The following NOS1 variants were observed in gnomAD, a reference collection of about 807,000 sequenced individuals.
The protein encoded by NOS1 is NOS type I.
A neutral mutation model predicts 164.5 loss-of-function variants in NOS1; 51 were observed. The observed-to-expected ratio is 0.31, with a 90% CI of 0.25 to 0.39. NOS1 has a LOEUF of 0.39. NOS1 is among the 10% of genes least tolerant of loss of function. The pLI, the probability that NOS1 is intolerant of heterozygous loss-of-function variation, is 1.00. For missense variants in NOS1, 1,362 were observed against 1,885.6 expected (o/e 0.72, Z 5.14); for synonymous variants, 719 against 745.8 (o/e 0.96, Z 0.59).
intron 13 of NOS1, 70 bp downstream of exon 13, chr12:117,263,819 C>T: frequency 1.7e-6 from 2 of 1,211,450 alleles, no homozygotes; most frequent in East Asian, 4.7e-5. Context: ...GGAGTCTGCC[C>T]AGCCTCCTTC....
Position 117,280,755 on chromosome 12 carries a change from C to T in NOS1, c.1494G>A (p.Leu498=). The stretch of plus-strand genomic sequence containing the variant: ...TGAACTGCACATTGGCTGGGTCCCC[C>T]AGGGTGGAGCCGTCAGGCTGCTTGT... ...AGYKQPDGST[L]GDPANVQFTE... Residue 498 remains leucine, a synonymous_variant, in exon 8 of 29, where the codon CTG becomes CTA. Transcript: ENST00000317775. The T allele has an allele frequency of 1.9e-6, 3 of 1,614,160 alleles. No individual in the cohort carries two copies. Among genetic ancestry groups the T allele is most frequent in the Non-Finnish European group, 2.5e-6 (3 of 1,180,022 alleles).
In NOS1 at chr12:117,215,234, G is replaced by T; in HGVS notation, c.*75C>A. 7.0e-7 allele frequency: 1 copy of T among 1,424,980 alleles called. No individual in the cohort carries two copies. Among genetic ancestry groups the T allele is most frequent in the South Asian group, 1.7e-5 (1 of 57,168 alleles). The allele number at this position is 1,424,980 out of a possible 1,614,324, so 88.3% of individuals were successfully genotyped here. Reference sequence around the variant, plus strand: ...CAGGAGGCAGAGCGAGGGCCACAGGGGGTCCCAGAGGAAAGGTTCAGCAGT... The same window carrying T: ...CAGGAGGCAGAGCGAGGGCCACAGGTGGTCCCAGAGGAAAGGTTCAGCAGT... On this transcript the variant is annotated 3_prime_UTR_variant, in exon 29 of 29. Transcript: ENST00000317775.
At chr12:117,322,041 TCTC>T (rs1370089495) in intron 2 of NOS1, among the ~76,000 whole-genome samples, 5 of 101,062 alleles carry the variant, frequency 4.9e-5, no homozygotes, top group African/African-American at 1.2e-4. Context: ...TTCCTCCTTC[TCTC>T]CTTCCTTCCC....
chr12:117,332,267 C>T (rs1223721600), intron 1 of NOS1, among the ~76,000 whole-genome samples: 3 of 152,178 alleles, frequency 2.0e-5, no homozygotes, highest in Non-Finnish European at 2.9e-5. Context: ...GCTCTTAACA[C>T]ATATTTGTTA....
At chr12:117,215,438 C>CT (rs149003143) in intron 28 of NOS1, 114 bp from the exon 29 acceptor site, 130,275 of 983,914 alleles carry the variant, frequency 0.13, 111 homozygotes, top group East Asian at 0.21. Flanking sequence ...TTGTCTCTTT[C>CT]TTTTTTTTTT....
chr12:117,349,575 A>C (rs768566033), intron 1 of NOS1, among the ~76,000 whole-genome samples: 5 of 152,262 alleles, frequency 3.3e-5, no homozygotes, highest in African/African-American at 4.8e-5. Context: ...ATTTTATATT[A>C]CATGAATTTT....
chr12:117,239,279 C>T (rs192900849), intron 20 of NOS1, among the ~76,000 whole-genome samples: 20 of 152,338 alleles, frequency 1.3e-4, no homozygotes, highest in African/African-American at 2.2e-4. Flanking sequence ...TTGACTTCTG[C>T]TGTTCTTTCT....
At chr12:117,269,887 G>T (rs547927846) in intron 10 of NOS1, among the ~76,000 whole-genome samples, 1 of 152,278 alleles carries the variant, frequency 6.6e-6, no homozygotes, top group Non-Finnish European at 1.5e-5. Context: ...TAGGCCATGG[G>T]TGCTCTGAGC....
At chr12:117,215,434 CTTTCT>C in intron 28 of NOS1, 110 bp from the exon 29 acceptor site, 10 of 1,180,404 alleles carry the variant, frequency 8.5e-6, no homozygotes, top group Non-Finnish European at 9.9e-6. Context: ...GGCTTTGTCT[CTTTCT>C]TTTTTTTTTT....
chr12:117,209,004 T>C lies in NOS1; in HGVS notation c.*6305A>G. ...TCCCAAAGTCCTGTGATTACAGGCA[T>C]GAGCCACCACGCCTGGCCTGGGAGG... is the stretch of plus-strand genomic sequence containing the variant. On this transcript the variant is annotated 3_prime_UTR_variant, in exon 29 of 29. Transcript: ENST00000317775. 2 of 980,372 alleles carry C rather than the reference T, an allele frequency of 2.0e-6. No individual in the cohort carries two copies. The highest frequency in any genetic ancestry group is 2.4e-6 in the Non-Finnish European group (2 of 825,622). 60.7% of individuals were successfully genotyped at this position (980,372 alleles called of 1,614,324 possible).
At chr12:117,270,739 A>C (rs1225291847) in intron 10 of NOS1, among the ~76,000 whole-genome samples, 2 of 152,084 alleles carry the variant, frequency 1.3e-5, no homozygotes, top group Non-Finnish European at 2.9e-5. Flanking sequence ...GTTTGCACAC[A>C]TTGGTGGTTG....
chr12:117,336,174 G>A (rs556206895), intron 1 of NOS1, among the ~76,000 whole-genome samples: 5 of 152,240 alleles, frequency 3.3e-5, no homozygotes, highest in Admixed American at 2.0e-4. Flanking sequence ...GCACATCCTC[G>A]CCTGTGGATC....
intron 4 of NOS1, among the ~76,000 whole-genome samples, chr12:117,289,975 T>G (rs1326562846): frequency 6.6e-6 from 1 of 152,198 alleles, no homozygotes; most frequent in African/African-American, 2.4e-5. Flanking sequence ...CGAGCTGTCT[T>G]ATCTGTGTTT....
intron 1 of NOS1, among the ~76,000 whole-genome samples, chr12:117,337,369 G>A (rs1272721910): frequency 2.6e-5 from 4 of 152,040 alleles, no homozygotes; most frequent in African/African-American, 9.7e-5. Flanking sequence ...GCCTGCCTTG[G>A]CCTCCCAAAG....
intron 28 of NOS1, among the ~76,000 whole-genome samples, chr12:117,217,700 G>A (rs980910010): frequency 6.2e-5 from 9 of 145,804 alleles, no homozygotes; most frequent in African/African-American, 2.3e-4. Context: ...GCAAGACTCC[G>A]TCAAAAAAAA....
At chr12:117,270,320 A>G (rs1405942475) in intron 10 of NOS1, among the ~76,000 whole-genome samples, 2 of 151,814 alleles carry the variant, frequency 1.3e-5, no homozygotes. Flanking sequence ...GACAGGTGGA[A>G]TTGGAGGGTC....
In NOS1 at chr12:117,212,624, C is replaced by T. The variant is rs534507728; in HGVS notation, c.*2685G>A. ...AAATGGGGCTGGAGCTGCTACTGGT[C>T]AATTCAGGGGGAAGAGGGAAATAAA... On this transcript the variant is annotated 3_prime_UTR_variant, in exon 29 of 29. Transcript: ENST00000317775. 2 of 985,442 alleles carry T rather than the reference C, an allele frequency of 2.0e-6. No individual in the cohort carries two copies. The highest frequency in any genetic ancestry group is 1.7e-5 in the African/African-American group (1 of 57,358). 61.0% of individuals were successfully genotyped at this position (985,442 alleles called of 1,614,324 possible).
At chr12:117,299,927 T>C (rs1247529253) in intron 3 of NOS1, among the ~76,000 whole-genome samples, 1 of 152,126 alleles carries the variant, frequency 6.6e-6, no homozygotes, top group African/African-American at 2.4e-5. Flanking sequence ...AATGTATATA[T>C]ACACTAGGAA....
intron 3 of NOS1, among the ~76,000 whole-genome samples, chr12:117,291,529 C>CTTTTTTTTTTTTTTT (rs565345654): frequency 2.1e-5 from 2 of 97,384 alleles, no homozygotes; most frequent in African/African-American, 4.0e-5. Context: ...TTACATCTGT[C>CTTTTTTTTTTTTTTT]TTTTTTTTTT....
Sources: gnomAD v4.1 joint callset for allele counts (sites outside exome capture counted in the v4.1 genomes callset) on GRCh38, gnomAD v4.1.1 for gene constraint, MANE v1.5 for transcripts, NCBI Gene and HGNC (gene_info 2026-07-23, HGNC 2026-07-21) for gene names.